Variants in DLGAP2 observed in about 807,000 individuals in gnomAD.
DLGAP2 encodes the protein DLG associated protein 2, also known as disks large-associated protein 2.
DLGAP2 carries 26 observed loss-of-function variants against 100.3 expected under a neutral mutation model. The observed-to-expected ratio is 0.26, with a 90% CI of 0.19 to 0.36. The LOEUF is 0.36. Among genes scored for constraint, DLGAP2 ranks in the 10% least tolerant of loss-of-function variants. The probability of loss-of-function intolerance (pLI) is 1.00; values close to 1 mark genes in which losing one functional copy is unlikely to be tolerated. For missense variants in DLGAP2, 1,858 were observed against 1,453.2 expected, an observed-to-expected ratio of 1.28 and a Z score of -4.53; for synonymous variants, 886 against 630.1, an observed-to-expected ratio of 1.41 and a Z score of -6.08.
At chr8:1,664,443 G>A (rs1052321931) in intron 8 of DLGAP2, among the ~76,000 whole-genome samples, 1 of 152,126 alleles carries the variant, frequency 6.6e-6, no homozygotes, top group Non-Finnish European at 1.5e-5. Context: ...TGCACCCTTG[G>A]TTCTCAGGAC....
At chr8:1,345,643 C>T (rs953004563) in intron 3 of DLGAP2, among the ~76,000 whole-genome samples, 1 of 152,202 alleles carries the variant, frequency 6.6e-6, no homozygotes, top group East Asian at 1.9e-4. Flanking sequence ...TGCACAGCAG[C>T]CCTGAGGGAT....
rs556352274 is a variant in DLGAP2, at chr8:1,307,992, A to T, written c.106+49109A>T. The stretch of plus-strand genomic sequence containing the variant: ...CACACCACAGAACTACACACACGAA[A>T]TGGTTAAGATGAGTATTTTACCACC... On this transcript the variant is annotated intron_variant, in intron 3 of 14. Coordinates refer to ENST00000637795, the MANE Select transcript of DLGAP2 (RefSeq NM_001346810.2). Among the ~76,000 whole-genome samples the T allele has an allele frequency of 2.0e-5, 3 of 152,260 alleles. No individual in the cohort carries two copies. The East Asian group carries it at 5.8e-4, about 29-fold the overall frequency.
At chr8:1,063,268 G>A (rs946343791) in intron 2 of DLGAP2, among the ~76,000 whole-genome samples, 3 of 152,230 alleles carry the variant, frequency 2.0e-5, no homozygotes, top group African/African-American at 7.2e-5. Flanking sequence ...ACTGTCCTCT[G>A]TTCTGTCTGA....
At chr8:835,549 C>T (rs532497845) in intron 1 of DLGAP2, among the ~76,000 whole-genome samples, 1 of 150,698 alleles carries the variant, frequency 6.6e-6, no homozygotes, top group Non-Finnish European at 1.5e-5. Context: ...AGTCCGTGGT[C>T]CCCCGTGCTC....
rs183945276 is a variant in DLGAP2, at chr8:1,693,174, A to G, written c.2796+1548A>G. The stretch of plus-strand genomic sequence containing the variant: ...ATATAACATTAACTACATATTTTAT[A>G]TATACAAATATATAGTATATATAAA... On this transcript the variant is annotated intron_variant, in intron 13 of 14. Transcript: ENST00000637795. Among the ~76,000 whole-genome samples, 294 of 148,194 alleles carry G rather than the reference A, an allele frequency of 2.0e-3. 2 individuals are homozygous for G. The highest frequency in any genetic ancestry group is 4.4e-3 in the Admixed American group (65 of 14,754).
intron 3 of DLGAP2, among the ~76,000 whole-genome samples, chr8:1,488,765 A>G (rs1799294457): frequency 2.0e-5 from 3 of 152,184 alleles, no homozygotes; most frequent in Admixed American, 1.3e-4. Flanking sequence ...TTCTGCATTC[A>G]GATGCTGTGT....
intron 3 of DLGAP2, among the ~76,000 whole-genome samples, chr8:1,310,771 C>T (rs1800595220): frequency 6.6e-6 from 1 of 152,078 alleles, no homozygotes; most frequent in Admixed American, 6.5e-5. Context: ...AATTCTCCTG[C>T]CTCAGCCTCC....
At chr8:1,065,154 C>A (rs747057082) in intron 2 of DLGAP2, among the ~76,000 whole-genome samples, 2 of 152,200 alleles carry the variant, frequency 1.3e-5, no homozygotes, top group Non-Finnish European at 2.9e-5. Context: ...GAGTTATTCA[C>A]CCCTGAGCTT....
intron 2 of DLGAP2, among the ~76,000 whole-genome samples, chr8:1,095,385 C>G (rs1440673706): frequency 6.6e-6 from 1 of 152,198 alleles, no homozygotes; most frequent in Non-Finnish European, 1.5e-5. Flanking sequence ...CAGCAGACCC[C>G]AAGCTCACCC....
Position 1,703,109 on chromosome 8 carries a change from T to C in DLGAP2, c.*1703T>C, listed in dbSNP as rs2977177. 14,273 of 152,702 alleles carry C rather than the reference T, an allele frequency of 0.093. 759 individuals carry two copies. The highest frequency in any genetic ancestry group is 0.17 in the South Asian group (802 of 4,818). 9.5% of individuals were successfully genotyped at this position (152,702 alleles called of 1,614,324 possible). On this transcript the variant is annotated 3_prime_UTR_variant, in exon 15 of 15. Transcript: ENST00000637795. ...CCACATCCCACTGAGCATGGGACCA[T>C]TGGGAGCAGAGCTGATATTAAAGCA...
At chr8:1,624,884 T>A (rs576235879) in intron 6 of DLGAP2, among the ~76,000 whole-genome samples, 3 of 152,294 alleles carry the variant, frequency 2.0e-5, no homozygotes, top group Admixed American at 1.3e-4. Context: ...TCTCTCTCTC[T>A]CTTTCCTTTT....
At chr8:863,689 C>A (rs1265574740) in intron 1 of DLGAP2, among the ~76,000 whole-genome samples, 1 of 152,226 alleles carries the variant, frequency 6.6e-6, no homozygotes, top group African/African-American at 2.4e-5. Context: ...CCCCTGGCCC[C>A]TGTTCGACTG....
Position 917,849 on chromosome 8 carries a change from G to C in DLGAP2, c.73+9883G>C, listed in dbSNP as rs573254627. On this transcript the variant is annotated intron_variant, in intron 2 of 14. Coordinates refer to ENST00000637795, the MANE Select transcript of DLGAP2 (RefSeq NM_001346810.2). ...CTGCCTCGGCCTCCTAGAGTGCTGG[G>C]ATTACAGGCGTGAGCTACTGCGCCC... 5.3e-5 allele frequency among the ~76,000 whole-genome samples: 8 copies of C among 152,308 alleles called. No individual in the cohort carries two copies. In the South Asian group the frequency reaches 1.5e-3, roughly 28 times the overall value.
chr8:1,011,683 T>C (rs1233592124), intron 2 of DLGAP2, among the ~76,000 whole-genome samples: 12 of 66,060 alleles, frequency 1.8e-4, no homozygotes, highest in East Asian at 1.0e-3. Context: ...TCTCAGTCTA[T>C]AGAGTGAGCC....
At chr8:1,085,675 G>T (rs1410167620) in intron 2 of DLGAP2, among the ~76,000 whole-genome samples, 2 of 152,136 alleles carry the variant, frequency 1.3e-5, no homozygotes, top group African/African-American at 4.8e-5. Flanking sequence ...CTGCCACTTT[G>T]TAGTATAGAT....
chr8:1,553,451 G>A (rs925378830), intron 5 of DLGAP2, among the ~76,000 whole-genome samples: 13 of 152,274 alleles, frequency 8.5e-5, no homozygotes, highest in South Asian at 6.2e-4. Flanking sequence ...TGTTTTATTC[G>A]GCGTGTTCAC....
At position 1,697,173 on chromosome 8, in the gene DLGAP2, G is replaced by A. The variant is rs377572822; in HGVS notation, c.2823G>A (p.Thr941=). The change falls in exon 14 of 15, where the codon ACG becomes ACA. Residue 941 remains threonine, a synonymous_variant. Transcript: ENST00000637795. ...NMDPSAMPRP[T]SQDLAGYWDM... Reference sequence around the variant, plus strand: ...ACCCCAGCGCCATGCCGAGGCCGACGTCGCAGGACCTGGCCGGCTACTGGG... The same window carrying A: ...ACCCCAGCGCCATGCCGAGGCCGACATCGCAGGACCTGGCCGGCTACTGGG... 3.6e-4 allele frequency: 571 copies of A among 1,602,264 alleles called. 3 individuals carry two copies. In the South Asian group the frequency reaches 3.6e-3, roughly 10 times the overall value.
At chr8:970,602 T>A (rs990367786) in intron 2 of DLGAP2, among the ~76,000 whole-genome samples, 5 of 152,236 alleles carry the variant, frequency 3.3e-5, no homozygotes, top group Admixed American at 6.5e-5. Context: ...AATAACACTA[T>A]ATTGTTTGTT....
At chr8:1,337,519 CTGA>C (rs1231377360) in intron 3 of DLGAP2, among the ~76,000 whole-genome samples, 3 of 135,052 alleles carry the variant, frequency 2.2e-5, no homozygotes, top group Non-Finnish European at 3.2e-5. Flanking sequence ...GATGGTGATG[CTGA>C]TGATAGTGAT....
Sources: gnomAD v4.1 joint callset for allele counts (sites outside exome capture counted in the v4.1 genomes callset) on GRCh38, gnomAD v4.1.1 for gene constraint, MANE v1.5 for transcripts, NCBI Gene and HGNC (gene_info 2026-07-23, HGNC 2026-07-21) for gene names.